The following UNC13B variants were observed in gnomAD, a reference collection of about 807,000 sequenced individuals.
The protein encoded by UNC13B is protein unc-13 homolog B.
A neutral mutation model predicts 211.0 loss-of-function variants in UNC13B; 144 were observed. That is an observed-to-expected ratio of 0.68 (90% CI 0.60 to 0.78). The LOEUF (loss-of-function observed/expected upper bound fraction) is 0.78. UNC13B is among the 30% of genes least tolerant of loss of function. The pLI is 0.00. For missense variants in UNC13B, 1,777 were observed against 2,002.0 expected, an observed-to-expected ratio of 0.89 and a Z score of 2.14; for synonymous variants, 709 against 725.8, an observed-to-expected ratio of 0.98 and a Z score of 0.37.
chr9:35,196,487 G>A (rs906845577), intron 1 of UNC13B, among the ~76,000 whole-genome samples: 1 of 152,148 alleles, frequency 6.6e-6, no homozygotes, highest in African/African-American at 2.4e-5. Context: ...TTTTTTTGAG[G>A]GTTAGGTACA....
intron 1 of UNC13B, among the ~76,000 whole-genome samples, chr9:35,196,238 C>T (rs1368737955): frequency 1.3e-5 from 2 of 151,916 alleles, no homozygotes; most frequent in Non-Finnish European, 2.9e-5. Context: ...GGAGGTGATA[C>T]ACCTTTTTAC....
At chr9:35,167,198 C>T (rs1432109072) in intron 1 of UNC13B, among the ~76,000 whole-genome samples, 1 of 151,948 alleles carries the variant, frequency 6.6e-6, no homozygotes, top group Non-Finnish European at 1.5e-5. Context: ...GTCAGCCTCC[C>T]AAGTAGCTGG....
chr9:35,271,520 A>G (rs80224878), intron 7 of UNC13B, among the ~76,000 whole-genome samples: 4,475 of 152,306 alleles, frequency 0.029, 128 homozygotes, highest in South Asian at 0.13. Flanking sequence ...ACATTTAGCC[A>G]CAAGGCTAAA....
chr9:35,388,104 T>A (rs1041244558), intron 24 of UNC13B, among the ~76,000 whole-genome samples: 1 of 151,958 alleles, frequency 6.6e-6, no homozygotes, highest in Non-Finnish European at 1.5e-5. Flanking sequence ...TATGAGCTTG[T>A]TAATTTAAAG....
intron 1 of UNC13B, among the ~76,000 whole-genome samples, chr9:35,213,332 C>A (rs1824072679): frequency 6.6e-6 from 1 of 151,848 alleles, no homozygotes; most frequent in Non-Finnish European, 1.5e-5. Flanking sequence ...GTCTCCCCTG[C>A]ATCTGGTATC....
Position 35,237,754 on chromosome 9 carries a change from G to A in UNC13B, c.322G>A (p.Asp108Asn), listed in dbSNP as rs751028566. Residue 108 changes from aspartate (D) to asparagine (N), a missense_variant, in exon 5 of 40, where the codon GAT becomes AAT. Coordinates refer to ENST00000635942, the MANE Select transcript of UNC13B (RefSeq NM_001371189.2). The stretch of plus-strand genomic sequence containing the variant: ...AGAGGCAGAGACGTTAATGAAAGAC[G>A]ATGAGATCTGTGGAACTAGAAACCC... ...TLEAETLMKD[D>N]EICGTRNPTP... The A allele has an allele frequency of 4.3e-6, 7 of 1,613,872 alleles. No individual in the cohort carries two copies. The highest frequency in any genetic ancestry group is 2.7e-5 in the African/African-American group (2 of 74,930).
chr9:35,201,779 A>G (rs1237542217), intron 1 of UNC13B, among the ~76,000 whole-genome samples: 3 of 152,138 alleles, frequency 2.0e-5, no homozygotes, highest in Non-Finnish European at 4.4e-5. Flanking sequence ...ATCTTTTCAA[A>G]AAACCAGCTC....
At chr9:35,191,866 G>T (rs1314248344) in intron 1 of UNC13B, among the ~76,000 whole-genome samples, 1 of 152,114 alleles carries the variant, frequency 6.6e-6, no homozygotes, top group Non-Finnish European at 1.5e-5. Context: ...TAGGGTCCTG[G>T]GTCTGCATCT....
At chr9:35,359,149 C>A (rs1452142633) in intron 11 of UNC13B, among the ~76,000 whole-genome samples, 1 of 152,092 alleles carries the variant, frequency 6.6e-6, no homozygotes, top group Non-Finnish European at 1.5e-5. Context: ...AAATCAATGA[C>A]CATAAATGTA....
At chr9:35,315,683 C>G (rs1830416121) in intron 11 of UNC13B, among the ~76,000 whole-genome samples, 1 of 152,200 alleles carries the variant, frequency 6.6e-6, no homozygotes, top group Non-Finnish European at 1.5e-5. Flanking sequence ...TTTTGCCAAC[C>G]ATCCCAACAA....
intron 1 of UNC13B, among the ~76,000 whole-genome samples, chr9:35,162,595 T>G (rs1820839591): frequency 6.6e-6 from 1 of 152,082 alleles, no homozygotes; most frequent in Admixed American, 6.6e-5. Flanking sequence ...CTAGTGAGAG[T>G]GGACGAGTTA....
intron 11 of UNC13B, among the ~76,000 whole-genome samples, chr9:35,321,868 G>A (rs671875): frequency 0.36 from 54,158 of 151,802 alleles, 10,112 homozygotes; most frequent in African/African-American, 0.46. Context: ...AAGCTTTTCC[G>A]GTTTGTACTT....
At chr9:35,361,248 C>G (rs531126521) in intron 11 of UNC13B, 9 of 152,268 alleles carry the variant, frequency 5.9e-5, no homozygotes, top group African/African-American at 1.9e-4. Flanking sequence ...TCCTGCAAAG[C>G]AGTTGTTTTG....
chr9:35,319,910 C>A (rs1437855684), intron 11 of UNC13B, among the ~76,000 whole-genome samples: 1 of 152,168 alleles, frequency 6.6e-6, no homozygotes. Flanking sequence ...ATCCTCTTGT[C>A]TCAGACTCCC....
Position 35,396,952 on chromosome 9 carries a change from T to G in UNC13B, c.11532+15T>G. On this transcript the variant is annotated intron_variant, in intron 28 of 39. Transcript: ENST00000635942. The stretch of plus-strand genomic sequence containing the variant: ...AGAAGGATGGAGTAAGTCAGGGGCT[T>G]TGGCTGCACCGGGTTCAGGCCAGGT... 3.7e-6 allele frequency: 6 copies of G among 1,613,994 alleles called. No individual in the cohort carries two copies. The highest frequency in any genetic ancestry group is 5.1e-6 in the Non-Finnish European group (6 of 1,179,900).
At chr9:35,227,749 C>G (rs1357730998) in intron 1 of UNC13B, 4 of 363,988 alleles carry the variant, frequency 1.1e-5, no homozygotes, top group Non-Finnish European at 1.5e-5. Context: ...CTGCCTGCCA[C>G]AGGAGTAACT....
chr9:35,218,761 C>G (rs4878608), intron 1 of UNC13B, among the ~76,000 whole-genome samples: 2 of 149,862 alleles, frequency 1.3e-5, no homozygotes, highest in Non-Finnish European at 3.0e-5. Flanking sequence ...TCTCTTTTTT[C>G]TTTTTGAGAT....
chr9:35,397,418 T>G, intron 29 of UNC13B, 108 bp downstream of exon 29: 1 of 1,514,290 alleles, frequency 6.6e-7, no homozygotes, highest in Non-Finnish European at 9.0e-7. Context: ...GTAAAGCTCG[T>G]GTGACCCCCA....
At chr9:35,338,976 A>G (rs1215319520) in intron 11 of UNC13B, among the ~76,000 whole-genome samples, 1 of 152,138 alleles carries the variant, frequency 6.6e-6, no homozygotes, top group Non-Finnish European at 1.5e-5. Context: ...CTGAAGATGA[A>G]TTTTGTATGC....
Sources: gnomAD v4.1 joint callset for allele counts (sites outside exome capture counted in the v4.1 genomes callset) on GRCh38, gnomAD v4.1.1 for gene constraint, MANE v1.5 for transcripts, NCBI Gene and HGNC (gene_info 2026-07-23, HGNC 2026-07-21) for gene names.